Variants in ADGRG7 observed in about 807,000 individuals in gnomAD.
ADGRG7 encodes the protein G-protein coupled receptor 128.
In ADGRG7, 82 loss-of-function variants were observed where a neutral mutation model predicts 88.6. The ratio of observed to expected loss-of-function variants is 0.93; its 90% confidence interval spans 0.77 to 1.11. ADGRG7 has a LOEUF of 1.11. Among genes scored for constraint, ADGRG7 ranks in the 50% most tolerant of loss-of-function variants. The pLI is 0.00. For missense variants in ADGRG7, 945 were observed against 953.4 expected (o/e 0.99, Z 0.12); for synonymous variants, 381 against 345.2 (o/e 1.10, Z -1.15).
rs557611049 is a variant in ADGRG7, at chr3:100,695,114, G to C, written c.*113G>C. On this transcript the variant is annotated 3_prime_UTR_variant, in exon 16 of 16. Transcript: ENST00000273352. ...AGTCTTCCTCAATGTATTTTGCTCA[G>C]GATTAAGAATTAGATAAAACCTGTT... The C allele has an allele frequency of 3.8e-5, 43 of 1,129,042 alleles. No homozygotes were observed. In the Admixed American group the frequency reaches 3.8e-4, roughly 10 times the overall value. 69.9% of individuals were successfully genotyped at this position (1,129,042 alleles called of 1,614,324 possible).
intron 15 of ADGRG7, among the ~76,000 whole-genome samples, chr3:100,684,251 T>TTTTATTTATTTATTTATTTATTTA (rs1214410103): frequency 2.3e-5 from 1 of 44,016 alleles, no homozygotes; most frequent in Non-Finnish European, 5.4e-5. Flanking sequence ...AGTTTTTCCA[T>TTTTATTTATTTATTTATTTATTTA]TTTATCTATT....
At chr3:100,688,482 T>G (rs1406454284) in intron 15 of ADGRG7, among the ~76,000 whole-genome samples, 3 of 152,228 alleles carry the variant, frequency 2.0e-5, no homozygotes, top group Non-Finnish European at 4.4e-5. Context: ...GTGTCCATTT[T>G]AGATCTTTCC....
At chr3:100,669,964 G>C (rs895863625) in intron 15 of ADGRG7, among the ~76,000 whole-genome samples, 1 of 151,986 alleles carries the variant, frequency 6.6e-6, no homozygotes, top group African/African-American at 2.4e-5. Flanking sequence ...CTTGAACCAG[G>C]GAGGTGGAGG....
Position 100,659,904 on chromosome 3 carries a change from C to T in ADGRG7, c.1979+61C>T. The T allele has an allele frequency of 2.0e-6, 3 of 1,470,784 alleles. No individual in the cohort carries two copies. The South Asian group carries it at 3.7e-5, about 18-fold the overall frequency. 91.1% of individuals were successfully genotyped at this position (1,470,784 alleles called of 1,614,324 possible). On this transcript the variant is annotated intron_variant, in intron 14 of 15. Transcript: ENST00000273352. Reference sequence around the variant, plus strand: ...GGCTCATCCAGCACTTAACGCAGCACCATAACACATCCACAGTTTCAGAAG... The same window carrying T: ...GGCTCATCCAGCACTTAACGCAGCATCATAACACATCCACAGTTTCAGAAG...
chr3:100,694,884 G>A lies in ADGRG7; in HGVS notation c.2277G>A (p.Met759Ile), dbSNP rs1412026792. 5 of 1,614,150 alleles carry A rather than the reference G, an allele frequency of 3.1e-6. No individual in the cohort carries two copies. The South Asian group carries it at 4.4e-5, about 14-fold the overall frequency. ...CGCGGCCGAGGCTGCGTGTAAAGAT[G>A]TATAATTTCCTCAGGTCATTGCCAA... Reference protein sequence around the residue: ...SVTRPRLRVKMYNFLRSLPTL... With the variant: ...SVTRPRLRVKIYNFLRSLPTL... The change falls in exon 16 of 16, where the codon ATG (methionine) becomes ATA (isoleucine). Residue 759 changes from methionine to isoleucine, a missense_variant. Transcript: ENST00000273352.
chr3:100,658,918 A>G (rs1428142195), intron 13 of ADGRG7, among the ~76,000 whole-genome samples: 1 of 151,846 alleles, frequency 6.6e-6, no homozygotes, highest in Non-Finnish European at 1.5e-5. Flanking sequence ...AGCACATAAT[A>G]TGTACTCTCT....
chr3:100,685,507 T>C (rs911333652), intron 15 of ADGRG7, among the ~76,000 whole-genome samples: 1 of 152,202 alleles, frequency 6.6e-6, no homozygotes, highest in African/African-American at 2.4e-5. Flanking sequence ...GTATATCTCC[T>C]AATGCTATCC....
chr3:100,641,184 TGGGAA>T (rs1707636672), intron 6 of ADGRG7, among the ~76,000 whole-genome samples: 1 of 152,182 alleles, frequency 6.6e-6, no homozygotes, highest in South Asian at 2.1e-4. Context: ...GACAGCTGCC[TGGGAA>T]GCACAAATTC....
intron 10 of ADGRG7, among the ~76,000 whole-genome samples, chr3:100,646,986 C>T (rs1009112138): frequency 4.6e-5 from 7 of 152,060 alleles, no homozygotes; most frequent in African/African-American, 9.7e-5. Flanking sequence ...GGTGAAACCC[C>T]GTCTCTACTA....
At chr3:100,641,538 C>T (rs1347440346) in intron 6 of ADGRG7, among the ~76,000 whole-genome samples, 2 of 152,224 alleles carry the variant, frequency 1.3e-5, no homozygotes, top group African/African-American at 4.8e-5. Flanking sequence ...CTCTCCTAGT[C>T]ATTTACAGAA....
chr3:100,633,274 C>T lies in ADGRG7; in HGVS notation c.344C>T (p.Pro115Leu). The T allele has an allele frequency of 6.8e-7, 1 of 1,469,998 alleles. No individual in the cohort carries two copies. Among genetic ancestry groups the T allele is most frequent in the Non-Finnish European group, 9.0e-7 (1 of 1,106,938 alleles). 91.1% of individuals were successfully genotyped at this position (1,469,998 alleles called of 1,614,324 possible). Residue 115 changes from proline (P) to leucine (L), a missense_variant, in exon 4 of 16, where the codon CCA becomes CTA. Transcript: ENST00000273352. ...CGKDTPNAGN[P>L]MAVRLCSLSL... ...TTTCTTTGTATTAAAGCGGGCAATC[C>T]AATGGCAGTCCGGTTGTGCAGTCTC...
intron 6 of ADGRG7, among the ~76,000 whole-genome samples, chr3:100,640,031 A>G (rs1444237072): frequency 6.6e-6 from 1 of 152,224 alleles, no homozygotes; most frequent in Non-Finnish European, 1.5e-5. Flanking sequence ...GATCTTTTGC[A>G]TAAGCTCTTG....
chr3:100,636,358 T>C (rs1314394001), intron 5 of ADGRG7, among the ~76,000 whole-genome samples: 1 of 152,256 alleles, frequency 6.6e-6, no homozygotes, highest in Non-Finnish European at 1.5e-5. Flanking sequence ...GAATTTAATT[T>C]GGAACATGTG....
At position 100,655,881 on chromosome 3, in the gene ADGRG7, C is replaced by G. The variant is rs1010917884; in HGVS notation, c.1727-18C>G. ...GTCTGGATAAATCATTAATTATGTG[C>G]CTCTCTTTATCACATAGGAGTCCCA... On this transcript the variant is annotated intron_variant, in intron 12 of 15. Transcript: ENST00000273352. 3 of 1,318,540 alleles carry G rather than the reference C, an allele frequency of 2.3e-6. No homozygotes were observed. Among genetic ancestry groups the G allele is most frequent in the African/African-American group, 2.9e-5 (2 of 69,878 alleles). 81.7% of individuals were successfully genotyped at this position (1,318,540 alleles called of 1,614,324 possible).
chr3:100,691,591 T>G lies in ADGRG7; in HGVS notation c.2137-3153T>G, dbSNP rs189315753. ...GATCCATAAGATGTTGCAAATAGTA[T>G]GGAGAATTCCCATGTACACTTTACT... is the stretch of plus-strand genomic sequence containing the variant. On this transcript the variant is annotated intron_variant, in intron 15 of 15. Transcript: ENST00000273352. Among the ~76,000 whole-genome samples, 311 of 151,976 alleles carry G rather than the reference T, an allele frequency of 2.0e-3. 2 individuals are homozygous for G. Among genetic ancestry groups the G allele is most frequent in the Non-Finnish European group, 3.1e-3 (213 of 67,962 alleles).
chr3:100,661,029 G>T (rs72915268), intron 14 of ADGRG7, among the ~76,000 whole-genome samples: 3 of 151,716 alleles, frequency 2.0e-5, no homozygotes, highest in Non-Finnish European at 4.4e-5. Flanking sequence ...CATTCCCTGC[G>T]GGGGTCATGT....
At chr3:100,657,155 G>A (rs369715543) in intron 13 of ADGRG7, among the ~76,000 whole-genome samples, 22 of 152,138 alleles carry the variant, frequency 1.4e-4, no homozygotes, top group African/African-American at 4.3e-4. Flanking sequence ...GGGAAGATAC[G>A]AGGCAACTGA....
intron 14 of ADGRG7, 66 bp downstream of exon 14, chr3:100,659,909 A>T: frequency 6.9e-7 from 1 of 1,446,222 alleles, no homozygotes; most frequent in Non-Finnish European, 9.5e-7. Flanking sequence ...CAGCACCATA[A>T]CACATCCACA....
At chr3:100,613,929 G>T (rs1707191825) in intron 1 of ADGRG7, among the ~76,000 whole-genome samples, 1 of 152,140 alleles carries the variant, frequency 6.6e-6, no homozygotes, top group Non-Finnish European at 1.5e-5. Context: ...CCCCTCACTA[G>T]CTTTGAGCAA....
Sources: gnomAD v4.1 joint callset for allele counts (sites outside exome capture counted in the v4.1 genomes callset) on GRCh38, gnomAD v4.1.1 for gene constraint, MANE v1.5 for transcripts, NCBI Gene and HGNC (gene_info 2026-07-23, HGNC 2026-07-21) for gene names.